GRIP1: variants seen among roughly 807,000 people sequenced by gnomAD.
GRIP1 encodes the protein glutamate receptor-interacting protein 1.
A neutral mutation model predicts 129.9 loss-of-function variants in GRIP1; 45 were observed. The observed-to-expected ratio is 0.35, with a 90% CI of 0.27 to 0.44. The LOEUF is 0.44. Among genes scored for constraint, GRIP1 ranks in the 20% least tolerant of loss-of-function variants. The probability of loss-of-function intolerance (pLI) is 1.00; values close to 1 mark genes in which losing one functional copy is unlikely to be tolerated. For missense variants in GRIP1, 1,196 were observed against 1,396.8 expected, an observed-to-expected ratio of 0.86 and a Z score of 2.29; for synonymous variants, 530 against 520.8, an observed-to-expected ratio of 1.02 and a Z score of -0.24.
chr12:66,571,498 A>G (rs1355901012), intron 2 of GRIP1, among the ~76,000 whole-genome samples: 2 of 151,876 alleles, frequency 1.3e-5, no homozygotes, highest in Non-Finnish European at 2.9e-5. Context: ...TTTTCATTGC[A>G]TATTTTCCTT....
chr12:66,493,104 C>T (rs1485122916), intron 7 of GRIP1, among the ~76,000 whole-genome samples: 3 of 152,150 alleles, frequency 2.0e-5, no homozygotes, highest in Admixed American at 2.0e-4. Context: ...AGTGAGTTTA[C>T]AAAGTGCTTA....
chr12:66,944,029 G>T (rs938418791), intron 1 of GRIP1, among the ~76,000 whole-genome samples: 7 of 152,102 alleles, frequency 4.6e-5, no homozygotes, highest in Non-Finnish European at 8.8e-5. Flanking sequence ...AACTGCCAGG[G>T]TTTGCAAAGG....
intron 1 of GRIP1, among the ~76,000 whole-genome samples, chr12:66,761,500 T>A (rs1437953762): frequency 3.9e-5 from 6 of 152,110 alleles, no homozygotes; most frequent in Non-Finnish European, 8.8e-5. Flanking sequence ...TCCCACAAAG[T>A]CTCATTTCCT....
chr12:66,904,415 T>C (rs1401537321), intron 1 of GRIP1, among the ~76,000 whole-genome samples: 1 of 152,190 alleles, frequency 6.6e-6, no homozygotes, highest in Non-Finnish European at 1.5e-5. Context: ...AATCAATTGA[T>C]CTGAGAGTTG....
intron 1 of GRIP1, among the ~76,000 whole-genome samples, chr12:67,022,093 G>T (rs1386318582): frequency 1.3e-5 from 2 of 152,122 alleles, no homozygotes; most frequent in African/African-American, 4.8e-5. Flanking sequence ...TAGCTATTGT[G>T]AATAATGCTG....
chr12:66,377,081 T>C lies in GRIP1; in HGVS notation c.2734-20A>G. On this transcript the variant is annotated intron_variant, in intron 21 of 24. Transcript: ENST00000359742. The stretch of plus-strand genomic sequence containing the variant: ...TTTCTCCTGTGGAAAGGGTTAAAGC[T>C]TTTAAATGAACTGGTGTGAGAAATG... 1 of 1,607,796 alleles carries C rather than the reference T, an allele frequency of 6.2e-7. No homozygotes were observed. The highest frequency in any genetic ancestry group is 1.1e-5 in the South Asian group (1 of 90,932).
chr12:66,741,401 T>C (rs948108751), intron 1 of GRIP1, among the ~76,000 whole-genome samples: 3 of 152,072 alleles, frequency 2.0e-5, no homozygotes, highest in Non-Finnish European at 4.4e-5. Context: ...AAAAAGAAAT[T>C]AACCAACTCA....
At chr12:66,591,273 A>T (rs948858676) in intron 2 of GRIP1, among the ~76,000 whole-genome samples, 5 of 152,212 alleles carry the variant, frequency 3.3e-5, no homozygotes, top group African/African-American at 1.2e-4. Context: ...GTAAAGAAGC[A>T]ATGTAATTTA....
chr12:66,541,692 C>T, intron 3 of GRIP1, 123 bp downstream of exon 3: 1 of 1,016,012 alleles, frequency 9.8e-7, no homozygotes, highest in Non-Finnish European at 1.6e-6. Flanking sequence ...TTCTGCTGGC[C>T]TGTGCTGCCT....
At chr12:66,937,174 A>G (rs1436057662) in intron 1 of GRIP1, among the ~76,000 whole-genome samples, 3 of 151,946 alleles carry the variant, frequency 2.0e-5, no homozygotes, top group Admixed American at 1.3e-4. Flanking sequence ...CTCACTGCCT[A>G]ACTTCCTCCA....
At chr12:67,055,024 T>C (rs771761077) in intron 1 of GRIP1, among the ~76,000 whole-genome samples, 4 of 152,132 alleles carry the variant, frequency 2.6e-5, no homozygotes, top group Non-Finnish European at 4.4e-5. Context: ...GTTCTCTTCA[T>C]AGGAAATAGA....
chr12:66,864,919 A>G (rs1463288141), intron 1 of GRIP1, among the ~76,000 whole-genome samples: 14 of 152,118 alleles, frequency 9.2e-5, no homozygotes, highest in Admixed American at 7.9e-4. Flanking sequence ...TCTCTCTTCT[A>G]ATGAAATGTG....
intron 1 of GRIP1, among the ~76,000 whole-genome samples, chr12:66,987,072 A>G (rs534620534): frequency 6.6e-6 from 1 of 152,110 alleles, no homozygotes; most frequent in Non-Finnish European, 1.5e-5. Flanking sequence ...AGGGGTCAGA[A>G]GAAGGTGAAA....
At chr12:67,061,147 T>G (rs1452914091) in intron 1 of GRIP1, among the ~76,000 whole-genome samples, 1 of 152,216 alleles carries the variant, frequency 6.6e-6, no homozygotes, top group Non-Finnish European at 1.5e-5. Flanking sequence ...TGTTTGAACT[T>G]CATTTTGGAA....
intron 1 of GRIP1, among the ~76,000 whole-genome samples, chr12:66,732,308 T>C (rs962172256): frequency 5.9e-5 from 9 of 152,134 alleles, no homozygotes; most frequent in African/African-American, 2.2e-4. Context: ...CCCAGTACTT[T>C]GAGGGGGCTG....
At chr12:66,987,790 G>C (rs1441469997) in intron 1 of GRIP1, among the ~76,000 whole-genome samples, 1 of 152,168 alleles carries the variant, frequency 6.6e-6, no homozygotes, top group East Asian at 1.9e-4. Flanking sequence ...AAATTAGCAA[G>C]TTAGAAAACA....
chr12:66,354,793 C>CTATG (rs2054399438), intron 23 of GRIP1, among the ~76,000 whole-genome samples: 1 of 152,090 alleles, frequency 6.6e-6, no homozygotes, highest in Non-Finnish European at 1.5e-5. Context: ...CTTCAGAGGG[C>CTATG]TATGGCATTC....
chr12:66,522,018 G>A (rs577028982), intron 5 of GRIP1, among the ~76,000 whole-genome samples: 43 of 152,346 alleles, frequency 2.8e-4, no homozygotes, highest in African/African-American at 7.5e-4. Flanking sequence ...CAAACTGGGC[G>A]GAGCCCACCA....
At chr12:66,506,626 A>G (rs2060535580) in intron 7 of GRIP1, among the ~76,000 whole-genome samples, 1 of 152,192 alleles carries the variant, frequency 6.6e-6, no homozygotes, top group African/African-American at 2.4e-5. Context: ...AAATTTAATA[A>G]GTTGTACAAC....
Sources: gnomAD v4.1 joint callset for allele counts (sites outside exome capture counted in the v4.1 genomes callset) on GRCh38, gnomAD v4.1.1 for gene constraint, MANE v1.5 for transcripts, NCBI Gene and HGNC (gene_info 2026-07-23, HGNC 2026-07-21) for gene names.